Variants in FAM149B1 observed in about 807,000 individuals in gnomAD.
FAM149B1 encodes primary cilium assembly protein FAM149B1.
Under a neutral mutation model 75.3 loss-of-function variants are expected in FAM149B1, and 56 were observed. The ratio of observed to expected loss-of-function variants is 0.74; its 90% CI spans 0.60 to 0.93. The LOEUF (loss-of-function observed/expected upper bound fraction) is 0.93. Among genes scored for constraint, FAM149B1 ranks in the 40% least tolerant of loss-of-function variants. The pLI, the probability that FAM149B1 is intolerant of heterozygous loss-of-function variation, is 0.00. For synonymous variants in FAM149B1, 259 were observed against 256.1 expected (o/e 1.01, Z -0.11); for missense variants, 639 against 708.4 (o/e 0.90, Z 1.11).
chr10:73,193,799 T>C (rs183039908), intron 5 of FAM149B1, among the ~76,000 whole-genome samples: 2 of 152,310 alleles, frequency 1.3e-5, no homozygotes. Flanking sequence ...TTTCCTGTAG[T>C]GGATTAGTCT....
chr10:73,228,137 T>C lies in FAM149B1; in HGVS notation c.976T>C (p.Leu326=). 1 of 1,551,572 alleles carries C rather than the reference T, an allele frequency of 6.4e-7. No homozygotes were observed. The highest frequency in any genetic ancestry group is 1.2e-5 in the South Asian group (1 of 84,058). Residue 326 remains leucine, a synonymous_variant, in exon 8 of 14, where the codon TTA becomes CTA. Transcript: ENST00000242505. ...CVLSELHPLV[L]PRVPQSKVLY... is the part of the protein sequence containing the mutation. The stretch of plus-strand genomic sequence containing the variant: ...GCTGAGTGAACTACATCCTTTGGTG[T>C]TACCGCGAGTGCCACAGTCTAAGGT...
intron 3 of FAM149B1, among the ~76,000 whole-genome samples, chr10:73,187,366 T>C (rs2042552330): frequency 7.5e-6 from 1 of 133,896 alleles, no homozygotes; most frequent in Non-Finnish European, 1.6e-5. Flanking sequence ...AAAATGTATA[T>C]GCAATTGCAA....
Position 73,239,301 on chromosome 10 carries a change from T to G in FAM149B1, c.1603-11T>G, listed in dbSNP as rs1348424786. The G allele has an allele frequency of 6.4e-7, 1 of 1,550,692 alleles. No homozygotes were observed. On this transcript the variant is annotated splice_polypyrimidine_tract_variant and intron_variant, in intron 12 of 13. Transcript: ENST00000242505. ...TGCATCATAAGAAGTGTCTCCTCTT[T>G]TGTCTTGTAGCTGGATACACAGTAT... is the stretch of plus-strand genomic sequence containing the variant.
chr10:73,178,949 A>G (rs1316071803), intron 3 of FAM149B1, among the ~76,000 whole-genome samples: 1 of 152,196 alleles, frequency 6.6e-6, no homozygotes, highest in Non-Finnish European at 1.5e-5. Flanking sequence ...GCAAGATGCA[A>G]TAGACATTTT....
At chr10:73,180,471 T>A (rs765178007) in intron 3 of FAM149B1, among the ~76,000 whole-genome samples, 28 of 152,340 alleles carry the variant, frequency 1.8e-4, no homozygotes, top group Admixed American at 1.2e-3. Context: ...TCAGGAAGAT[T>A]TAGTATACTG....
intron 13 of FAM149B1, 55 bp downstream of exon 13, chr10:73,239,439 G>A: frequency 1.5e-6 from 2 of 1,351,858 alleles, no homozygotes; most frequent in Non-Finnish European, 1.0e-6. Context: ...TTAAGACCCA[G>A]CCTTTGTCTT....
chr10:73,234,431 G>A (rs909221064), intron 10 of FAM149B1: 3 of 185,738 alleles, frequency 1.6e-5, no homozygotes, highest in South Asian at 2.1e-4. Flanking sequence ...AACTTTACCC[G>A]AGAACTATAG....
intron 8 of FAM149B1, among the ~76,000 whole-genome samples, chr10:73,228,808 C>T (rs1312303915): frequency 6.6e-6 from 1 of 152,078 alleles, no homozygotes; most frequent in Non-Finnish European, 1.5e-5. Context: ...GTTGGCCAGG[C>T]CCGTCTCGAA....
chr10:73,215,363 T>C (rs2043274910), intron 7 of FAM149B1, among the ~76,000 whole-genome samples: 1 of 151,980 alleles, frequency 6.6e-6, no homozygotes, highest in South Asian at 2.1e-4. Flanking sequence ...GTTAGGTAGT[T>C]GTGATCTTTT....
At chr10:73,177,194 A>C (rs1844006731) in intron 2 of FAM149B1, among the ~76,000 whole-genome samples, 1 of 152,002 alleles carries the variant, frequency 6.6e-6, no homozygotes, top group African/African-American at 2.4e-5. Flanking sequence ...ACAGAGCGAG[A>C]CCCCATCTCA....
At chr10:73,200,265 G>C (rs1375757627) in intron 5 of FAM149B1, 1 of 271,922 alleles carries the variant, frequency 3.7e-6, no homozygotes, top group Non-Finnish European at 7.2e-6. Flanking sequence ...CTGGGAGGCG[G>C]AGGTTGCAGT....
At chr10:73,235,122 G>A (rs879208223) in intron 11 of FAM149B1, 71 bp from the exon 12 acceptor site, 65 of 1,503,400 alleles carry the variant, frequency 4.3e-5, no homozygotes, top group African/African-American at 1.8e-4. Flanking sequence ...TGCCATGGTC[G>A]ATAGGGTTTT....
chr10:73,183,877 T>C (rs2042459834), intron 3 of FAM149B1, among the ~76,000 whole-genome samples: 1 of 152,228 alleles, frequency 6.6e-6, no homozygotes, highest in Non-Finnish European at 1.5e-5. Flanking sequence ...GGAGTGAACC[T>C]GGAGAGACCC....
intron 2 of FAM149B1, among the ~76,000 whole-genome samples, chr10:73,175,408 G>A (rs1052727083): frequency 3.9e-5 from 6 of 151,920 alleles, no homozygotes; most frequent in Admixed American, 6.6e-5. Context: ...GGTGGCTCAC[G>A]CCTGTAATCC....
rs186614711 is a variant in FAM149B1, at chr10:73,244,218, G to A, written c.*3199G>A. 2.0e-3 allele frequency: 692 copies of A among 354,436 alleles called. 10 individuals carry two copies. The highest frequency in any genetic ancestry group is 0.014 in the African/African-American group (642 of 45,878). 22.0% of individuals were successfully genotyped at this position (354,436 alleles called of 1,614,324 possible). On this transcript the variant is annotated 3_prime_UTR_variant, in exon 14 of 14. Coordinates refer to ENST00000242505, the MANE Select transcript of FAM149B1 (RefSeq NM_173348.2). The stretch of plus-strand genomic sequence containing the variant: ...TGATGATAAAAAGGAACATGAGGCC[G>A]GGTATGGTGGCTCACAACTGTAATC...
chr10:73,184,168 A>G (rs1341006021), intron 3 of FAM149B1, among the ~76,000 whole-genome samples: 12 of 152,206 alleles, frequency 7.9e-5, no homozygotes, highest in Admixed American at 7.9e-4. Flanking sequence ...TTAAAATCAG[A>G]TGCAAAAACT....
intron 3 of FAM149B1, among the ~76,000 whole-genome samples, chr10:73,185,276 A>T (rs2042493024): frequency 6.6e-6 from 1 of 152,244 alleles, no homozygotes; most frequent in East Asian, 1.9e-4. Flanking sequence ...TCAGCTGATC[A>T]CAGTGGCTCA....
chr10:73,190,239 T>C (rs1047576219), intron 3 of FAM149B1, among the ~76,000 whole-genome samples: 14 of 149,750 alleles, frequency 9.3e-5, no homozygotes, highest in African/African-American at 3.5e-4. Flanking sequence ...AAGTAGTCAC[T>C]GATTTTTTTT....
intron 3 of FAM149B1, among the ~76,000 whole-genome samples, chr10:73,186,111 AGGATTGCAC>A (rs1476749175): frequency 2.0e-5 from 3 of 152,160 alleles, no homozygotes; most frequent in Non-Finnish European, 2.9e-5. Context: ...GATTTATCCC[AGGATTGCAC>A]GGCTGGTTCA....
Sources: allele counts gnomAD v4.1 joint callset (sites outside exome capture counted in the v4.1 genomes callset), GRCh38; gene constraint gnomAD v4.1.1; transcripts MANE v1.5; gene names NCBI Gene and HGNC (gene_info 2026-07-23, HGNC 2026-07-21).